FSTL5: variants seen among roughly 807,000 people sequenced by gnomAD.
FSTL5 encodes the protein follistatin like 5.
A neutral mutation model predicts 89.1 loss-of-function variants in FSTL5; 62 were observed. The ratio of observed to expected loss-of-function variants is 0.70; its 90% CI spans 0.57 to 0.86. The LOEUF is 0.86. FSTL5 is among the 40% of genes least tolerant of loss of function. The pLI is 0.00. For synonymous variants in FSTL5, 383 were observed against 346.2 expected, an observed-to-expected ratio of 1.11 and a Z score of -1.18; for missense variants, 1,057 against 1,001.6, an observed-to-expected ratio of 1.06 and a Z score of -0.75.
At chr4:162,089,628 G>C (rs1268261232) in intron 2 of FSTL5, among the ~76,000 whole-genome samples, 2 of 71,844 alleles carry the variant, frequency 2.8e-5, no homozygotes, top group African/African-American at 1.2e-4. Flanking sequence ...GCAAGAATCT[G>C]TCTCAAAAAA....
At chr4:162,004,527 T>G (rs968988292) in intron 3 of FSTL5, among the ~76,000 whole-genome samples, 3 of 152,162 alleles carry the variant, frequency 2.0e-5, no homozygotes, top group South Asian at 4.1e-4. Context: ...TCAGGGTTTT[T>G]GCTCTTGCGG....
chr4:161,698,332 G>A (rs1738257062), intron 6 of FSTL5, among the ~76,000 whole-genome samples: 2 of 152,190 alleles, frequency 1.3e-5, no homozygotes, highest in Non-Finnish European at 2.9e-5. Flanking sequence ...CAGAAATTCA[G>A]AGCAGAATGG....
intron 15 of FSTL5, among the ~76,000 whole-genome samples, chr4:161,402,823 C>CTTT (rs145198636): frequency 1.4e-5 from 2 of 141,024 alleles, no homozygotes; most frequent in Non-Finnish European, 1.6e-5. Context: ...CTTGCCAGAA[C>CTTT]TTTTTTTTTT....
intron 4 of FSTL5, among the ~76,000 whole-genome samples, chr4:161,822,735 T>C (rs1304334): frequency 0.14 from 20,624 of 152,216 alleles, 1,468 homozygotes; most frequent in Middle Eastern, 0.18. Flanking sequence ...TTTGTATTAC[T>C]GCTCTTTCAG....
chr4:161,512,162 T>G (rs1457857561), intron 10 of FSTL5, among the ~76,000 whole-genome samples: 1 of 152,010 alleles, frequency 6.6e-6, no homozygotes, highest in African/African-American at 2.4e-5. Flanking sequence ...TTAGGAATGG[T>G]TGAACTATGA....
chr4:161,900,892 T>A (rs903985300), intron 4 of FSTL5, among the ~76,000 whole-genome samples: 16 of 152,276 alleles, frequency 1.1e-4, no homozygotes, highest in African/African-American at 3.6e-4. Context: ...TGTTTAATAA[T>A]GTATTTGTAA....
intron 8 of FSTL5, among the ~76,000 whole-genome samples, chr4:161,555,433 CAT>C (rs1258099205): frequency 6.6e-6 from 1 of 151,004 alleles, no homozygotes; most frequent in Non-Finnish European, 1.5e-5. Context: ...GAGAAAAAAA[CAT>C]AGCCTGGCAC....
At chr4:161,724,762 G>A (rs1360834078) in intron 6 of FSTL5, among the ~76,000 whole-genome samples, 6 of 152,110 alleles carry the variant, frequency 3.9e-5, no homozygotes, top group African/African-American at 1.4e-4. Context: ...AGTCATTTGG[G>A]CAAAGGAATA....
Position 161,596,867 on chromosome 4 carries a change from T to C in FSTL5, c.895-9292A>G, listed in dbSNP as rs140699383. Among the ~76,000 whole-genome samples the C allele has an allele frequency of 5.4e-3, 816 of 152,282 alleles. 7 individuals carry two copies. Among genetic ancestry groups the C allele is most frequent in the African/African-American group, 0.018 (763 of 41,556 alleles). ...GAAGACATATCCTTCGCCCACTTTTTGATGGGGTTGTTTGTTTTTTTCTTG... is the reference window on the plus strand; with the variant it reads ...GAAGACATATCCTTCGCCCACTTTTCGATGGGGTTGTTTGTTTTTTTCTTG... On this transcript the variant is annotated intron_variant, in intron 7 of 15. Transcript: ENST00000306100.
At chr4:161,754,862 C>T (rs1278600311) in intron 6 of FSTL5, among the ~76,000 whole-genome samples, 1 of 152,012 alleles carries the variant, frequency 6.6e-6, no homozygotes, top group Non-Finnish European at 1.5e-5. Context: ...GCAAATCATA[C>T]TTAATGTTAT....
At chr4:161,487,881 A>G (rs1468215533) in intron 12 of FSTL5, among the ~76,000 whole-genome samples, 1 of 152,132 alleles carries the variant, frequency 6.6e-6, no homozygotes, top group East Asian at 1.9e-4. Context: ...GGCAAATACA[A>G]CACAGTTACT....
rs1737980699 is a variant in FSTL5, at chr4:161,692,618, T to A, written c.728-36124A>T. Among the ~76,000 whole-genome samples, 3 of 152,180 alleles carry A rather than the reference T, an allele frequency of 2.0e-5. No homozygotes were observed. In the South Asian group the frequency reaches 6.2e-4, roughly 31 times the overall value. ...CACAGAAAAATCCCCTGGGTGAATG[T>A]GTCCAGGGGGACAACCCTATGAGGA... On this transcript the variant is annotated intron_variant, in intron 6 of 15. Coordinates refer to ENST00000306100, the MANE Select transcript of FSTL5 (RefSeq NM_020116.5).
intron 6 of FSTL5, among the ~76,000 whole-genome samples, chr4:161,686,328 ATATATATATATATATATATTTTTTTTT>A (rs1737725948): frequency 1.6e-4 from 1 of 6,098 alleles, no homozygotes; most frequent in Non-Finnish European, 3.7e-4. Context: ...ATATATATAT[ATATATATATATATATATATTTTTTTTT>A]TTTTTTTTTT....
intron 15 of FSTL5, among the ~76,000 whole-genome samples, chr4:161,407,032 CTGG>C (rs1203882259): frequency 2.6e-5 from 4 of 151,746 alleles, no homozygotes; most frequent in African/African-American, 9.7e-5. Context: ...TAGTAAATTC[CTGG>C]AATTGGGGTA....
intron 4 of FSTL5, among the ~76,000 whole-genome samples, chr4:161,791,033 G>A (rs1294220770): frequency 6.6e-6 from 1 of 152,076 alleles, no homozygotes; most frequent in Non-Finnish European, 1.5e-5. Context: ...GATGCATGAG[G>A]CATGATCTGC....
intron 7 of FSTL5, among the ~76,000 whole-genome samples, chr4:161,619,555 G>C (rs528159140): frequency 6.6e-6 from 1 of 152,290 alleles, no homozygotes; most frequent in African/African-American, 2.4e-5. Flanking sequence ...CTTCTCAAAA[G>C]AAGATATTTA....
At chr4:162,085,907 A>G (rs1730299709) in intron 2 of FSTL5, among the ~76,000 whole-genome samples, 1 of 152,100 alleles carries the variant, frequency 6.6e-6, no homozygotes, top group Non-Finnish European at 1.5e-5. Flanking sequence ...TTTAATTTAT[A>G]TCACAAACTG....
chr4:161,833,025 T>C (rs1033747667), intron 4 of FSTL5, among the ~76,000 whole-genome samples: 5 of 151,174 alleles, frequency 3.3e-5, no homozygotes, highest in East Asian at 1.9e-4. Flanking sequence ...TTTAGTGCTA[T>C]AAATTTCCCT....
intron 1 of FSTL5, among the ~76,000 whole-genome samples, chr4:162,128,631 T>C (rs1249410562): frequency 6.6e-6 from 1 of 152,208 alleles, no homozygotes; most frequent in African/African-American, 2.4e-5. Flanking sequence ...CCAGCCTAAA[T>C]GGACTGAGAC....
Sources: allele counts gnomAD v4.1 joint callset (sites outside exome capture counted in the v4.1 genomes callset), GRCh38; gene constraint gnomAD v4.1.1; transcripts MANE v1.5; gene names NCBI Gene and HGNC (gene_info 2026-07-23, HGNC 2026-07-21).